The following ZBTB24 variants were observed in gnomAD, a reference collection of about 807,000 sequenced individuals.
ZBTB24 encodes zinc finger and BTB domain-containing protein 24.
Under a neutral mutation model 53.8 loss-of-function variants are expected in ZBTB24, and 32 were observed. The observed-to-expected ratio is 0.60, with a 90% confidence interval of 0.45 to 0.80. The LOEUF is 0.80. Among genes scored for constraint, ZBTB24 ranks in the 30% least tolerant of loss-of-function variants. The pLI, the probability that ZBTB24 is intolerant of heterozygous loss-of-function variation, is 0.00. For missense variants in ZBTB24, 722 were observed against 837.1 expected (o/e 0.86, Z 1.70); for synonymous variants, 297 against 306.7 (o/e 0.97, Z 0.33).
rs980669611 is a variant in ZBTB24, at chr6:109,470,157, G to A, written c.1289-2423C>T. On this transcript the variant is annotated intron_variant, in intron 5 of 6. Transcript: ENST00000230122. ...ACAGGGCCTGAGAGGCATGGGGACCGGAAAGAAGTGTGTTACAAGAGGATT... is the reference window on the plus strand; with the variant it reads ...ACAGGGCCTGAGAGGCATGGGGACCAGAAAGAAGTGTGTTACAAGAGGATT... 5.9e-5 allele frequency among the ~76,000 whole-genome samples: 9 copies of A among 152,276 alleles called. 1 individual carries two copies. Among genetic ancestry groups the A allele is most frequent in the African/African-American group, 1.9e-4 (8 of 41,532 alleles).
At chr6:109,468,444 G>A (rs1266353120) in intron 5 of ZBTB24, among the ~76,000 whole-genome samples, 7 of 151,510 alleles carry the variant, frequency 4.6e-5, no homozygotes, top group Admixed American at 1.3e-4. Flanking sequence ...CAAACTTCCC[G>A]GATCTCATCT....
At chr6:109,469,572 C>G (rs1342575687) in intron 5 of ZBTB24, among the ~76,000 whole-genome samples, 1 of 152,202 alleles carries the variant, frequency 6.6e-6, no homozygotes, top group Non-Finnish European at 1.5e-5. Flanking sequence ...GTGCACAGCT[C>G]TACCACCTTC....
At chr6:109,471,768 C>A (rs1425692687) in intron 5 of ZBTB24, among the ~76,000 whole-genome samples, 6 of 152,058 alleles carry the variant, frequency 3.9e-5, no homozygotes, top group Admixed American at 6.5e-5. Context: ...AGGTGTAATC[C>A]CTCTATTGAG....
chr6:109,473,526 C>T (rs1397626276), intron 5 of ZBTB24, among the ~76,000 whole-genome samples: 5 of 152,176 alleles, frequency 3.3e-5, no homozygotes, highest in Non-Finnish European at 7.3e-5. Context: ...AAAAGAGCAA[C>T]TCTCTTTCCG....
At chr6:109,466,683 G>T in intron 6 of ZBTB24, 109 bp from the exon 7 acceptor site, 1 of 1,403,916 alleles carries the variant, frequency 7.1e-7, no homozygotes, top group Non-Finnish European at 9.7e-7. Context: ...TAGACTGCAA[G>T]TCATAAGTCA....
At chr6:109,478,347 A>G (rs1475389416) in intron 2 of ZBTB24, among the ~76,000 whole-genome samples, 1 of 152,244 alleles carries the variant, frequency 6.6e-6, no homozygotes, top group Non-Finnish European at 1.5e-5. Flanking sequence ...TAGGCGGTAT[A>G]TAAGCTCTGA....
chr6:109,473,885 G>A (rs1424622840), intron 5 of ZBTB24, among the ~76,000 whole-genome samples: 2 of 151,730 alleles, frequency 1.3e-5, no homozygotes, highest in African/African-American at 4.8e-5. Context: ...GTTTGAGCGA[G>A]ACCAGCCTGG....
At chr6:109,482,190 G>A (rs1776434423) in intron 1 of ZBTB24, 136 bp from the exon 2 acceptor site, 1 of 755,766 alleles carries the variant, frequency 1.3e-6, no homozygotes, top group African/African-American at 1.7e-5. Flanking sequence ...TACAAACTTA[G>A]CTCTGGGCCC....
At chr6:109,474,819 G>A (rs1313268166) in intron 5 of ZBTB24, among the ~76,000 whole-genome samples, 1 of 151,932 alleles carries the variant, frequency 6.6e-6, no homozygotes, top group Non-Finnish European at 1.5e-5. Context: ...CAGGAAGACT[G>A]CTTGAGCCCA....
In ZBTB24 at chr6:109,481,717, T is replaced by G. The variant is rs767829863; in HGVS notation, c.310A>C (p.Lys104Gln). The change falls in exon 2 of 7, where the codon AAA becomes CAA. Residue 104 changes from lysine (K) to glutamine (Q), a missense_variant. Coordinates refer to ENST00000230122, the MANE Select transcript of ZBTB24 (RefSeq NM_014797.3). ...GTAGCCAGGATTTGTTCTGTACTTTTCTCACTGGCATGGAGATAACCTGTG... is the reference window on the plus strand; with the variant it reads ...GTAGCCAGGATTTGTTCTGTACTTTGCTCACTGGCATGGAGATAACCTGTG... Reference protein sequence around the residue: ...IYTGYLHASEKSTEQILATAQ... With the variant: ...IYTGYLHASEQSTEQILATAQ... The G allele has an allele frequency of 6.2e-7, 1 of 1,614,202 alleles. No individual in the cohort carries two copies. The highest frequency in any genetic ancestry group is 1.1e-5 in the South Asian group (1 of 91,080).
rs762206582 is a variant in ZBTB24, at chr6:109,467,683, C to T, written c.1340G>A (p.Ser447Asn). The T allele has an allele frequency of 8.7e-6, 14 of 1,613,908 alleles. No homozygotes were observed. The South Asian group carries it at 1.2e-4, about 14-fold the overall frequency. ...EICGKSFTAK[S>N]SLQTHIRIHR... ...GATTCTGATGTGGGTCTGAAGAGAA[C>T]TCTTTGCTGTGAAAGATTTGCCACA... is the stretch of plus-strand genomic sequence containing the variant. The change falls in exon 6 of 7, where the codon AGT becomes AAT. Residue 447 changes from serine to asparagine, a missense_variant. Transcript: ENST00000230122.
intron 5 of ZBTB24, 122 bp downstream of exon 5, chr6:109,475,277 T>TC: frequency 8.5e-7 from 1 of 1,171,176 alleles, no homozygotes; most frequent in Non-Finnish European, 1.3e-6. Flanking sequence ...CTTACACAAC[T>TC]CCCATCCAAT....
intron 2 of ZBTB24, among the ~76,000 whole-genome samples, chr6:109,479,408 C>T (rs997694921): frequency 6.6e-6 from 1 of 152,204 alleles, no homozygotes; most frequent in African/African-American, 2.4e-5. Context: ...GAGGATCATA[C>T]TGAATATTAC....
chr6:109,472,704 C>A (rs994231897), intron 5 of ZBTB24, among the ~76,000 whole-genome samples: 3 of 152,208 alleles, frequency 2.0e-5, no homozygotes, highest in African/African-American at 7.2e-5. Context: ...ACCTGGAAAT[C>A]TAATGATCTA....
At chr6:109,474,308 T>C (rs1226452666) in intron 5 of ZBTB24, among the ~76,000 whole-genome samples, 1 of 152,222 alleles carries the variant, frequency 6.6e-6, no homozygotes, top group African/African-American at 2.4e-5. Flanking sequence ...TGCCTCCTCG[T>C]CATCTCTGAA....
At chr6:109,477,042 G>T in intron 2 of ZBTB24, 112 bp from the exon 3 acceptor site, 1 of 1,427,154 alleles carries the variant, frequency 7.0e-7, no homozygotes, top group South Asian at 1.2e-5. Context: ...ACATCCAAAA[G>T]GCCAACAATG....
intron 1 of ZBTB24, among the ~76,000 whole-genome samples, chr6:109,482,885 T>G (rs1316476944): frequency 2.0e-5 from 3 of 152,154 alleles, no homozygotes; most frequent in Admixed American, 1.3e-4. Context: ...ACTAATAACT[T>G]AAGCTGCGTG....
At chr6:109,479,843 G>A (rs1776360770) in intron 2 of ZBTB24, among the ~76,000 whole-genome samples, 1 of 150,790 alleles carries the variant, frequency 6.6e-6, no homozygotes, top group African/African-American at 2.4e-5. Flanking sequence ...TTGAACTCGG[G>A]AGGCGGAGGT....
chr6:109,479,511 TTG>T, intron 2 of ZBTB24, among the ~76,000 whole-genome samples: 1 of 152,326 alleles, frequency 6.6e-6, no homozygotes, highest in East Asian at 1.9e-4. Context: ...AATTGAACCA[TTG>T]TGAGTCGGGG....
Sources: gnomAD v4.1 joint callset for allele counts (sites outside exome capture counted in the v4.1 genomes callset) on GRCh38, gnomAD v4.1.1 for gene constraint, MANE v1.5 for transcripts, NCBI Gene and HGNC (gene_info 2026-07-23, HGNC 2026-07-21) for gene names.